PRDM6: variants seen among roughly 807,000 people sequenced by gnomAD.
PRDM6 encodes the protein PR/SET domain 6.
A neutral mutation model predicts 60.8 loss-of-function variants in PRDM6; 25 were observed. The observed-to-expected ratio is 0.41, with a 90% CI of 0.30 to 0.57. The LOEUF is 0.57. Among genes scored for constraint, PRDM6 ranks in the 20% least tolerant of loss-of-function variants. The probability of loss-of-function intolerance (pLI) is 0.27; values close to 1 mark genes in which losing one functional copy is unlikely to be tolerated. For missense variants in PRDM6, 839 were observed against 821.3 expected (o/e 1.02, Z -0.26); for synonymous variants, 407 against 357.4 (o/e 1.14, Z -1.57).
At chr5:123,128,788 A>AT (rs1432350868) in intron 3 of PRDM6, among the ~76,000 whole-genome samples, 2 of 152,052 alleles carry the variant, frequency 1.3e-5, no homozygotes, top group African/African-American at 4.8e-5. Flanking sequence ...CCATTTGTCT[A>AT]TTTTGGCTTT....
chr5:123,146,410 C>T (rs1396787791), intron 3 of PRDM6, among the ~76,000 whole-genome samples: 1 of 152,054 alleles, frequency 6.6e-6, no homozygotes, highest in African/African-American at 2.4e-5. Flanking sequence ...ATTTGGTGTA[C>T]GATTGTATGT....
chr5:123,099,797 C>T lies in PRDM6; in HGVS notation c.736C>T (p.Arg246Cys), dbSNP rs778630052. The T allele has an allele frequency of 6.5e-7, 1 of 1,549,108 alleles. No homozygotes were observed. Among genetic ancestry groups the T allele is most frequent in the South Asian group, 1.2e-5 (1 of 83,926 alleles). Residue 246 changes from arginine to cysteine, a missense_variant, in exon 3 of 8, where the codon CGC becomes TGC. By Grantham distance (180) the Arg-to-Cys change is radical (BLOSUM62 -3). Around this residue, in one of 2 missense-constraint regions of PRDM6, gnomAD observed 730 missense variants for 648.8 expected, o/e 1.13. Coordinates refer to ENST00000407847, the MANE Select transcript of PRDM6 (RefSeq NM_001136239.4). This position sits in a 1 kb window ranked among gnomAD's most constrained non-coding sequence, Gnocchi z 4.0. The stretch of plus-strand genomic sequence containing the variant: ...GCCGGAGTGGCTGCGGGACCTGCCT[C>T]GCGAGGTGTGCCTCTGCACCAGTAC... ...ELPEWLRDLP[R>C]EVCLCTSTVP...
At position 123,171,096 on chromosome 5, in the gene PRDM6, A is replaced by G. The variant is rs1390025414; in HGVS notation, c.1484A>G (p.Gln495Arg). The change falls in exon 6 of 8, where the codon CAG becomes CGG. Residue 495 changes from glutamine (Q) to arginine (R), a missense_variant. Coordinates refer to ENST00000407847, the MANE Select transcript of PRDM6 (RefSeq NM_001136239.4). ...CTCTTACAGATGCACGTGTGCACGC[A>G]GAACCCCGACAGGTAACCCTGACTC... ...RILLQMHVCT[Q>R]NPDRPYQCGH... 6.5e-7 allele frequency: 1 copy of G among 1,540,050 alleles called. No individual in the cohort carries two copies.
Position 123,090,315 on chromosome 5 carries a change from G to C in PRDM6, c.301G>C (p.Ala101Pro), listed in dbSNP as rs934230847. The change falls in exon 2 of 8, where the codon GCT (alanine) becomes CCT (proline). Residue 101 changes from alanine to proline, a missense_variant. Ala to Pro is a conservative substitution (Grantham distance 27). Around this residue, in one of 2 missense-constraint regions of PRDM6, gnomAD observed 730 missense variants for 648.8 expected, o/e 1.13. Coordinates refer to ENST00000407847, the MANE Select transcript of PRDM6 (RefSeq NM_001136239.4). Reference protein sequence around the residue: ...SSASSCAAAAAAAALAGLSAL... With the variant: ...SSASSCAAAAPAAALAGLSAL... ...CGCCTCCTCCTGCGCTGCTGCGGCC[G>C]CTGCCGCCGCGCTGGCTGGTCTCTC... 1.3e-5 allele frequency: 19 copies of C among 1,474,728 alleles called. No homozygotes were observed. The highest frequency in any genetic ancestry group is 1.6e-5 in the Non-Finnish European group (18 of 1,113,422). 91.4% of individuals were successfully genotyped at this position (1,474,728 alleles called of 1,614,324 possible).
At chr5:123,127,058 G>C (rs1764709027) in intron 3 of PRDM6, among the ~76,000 whole-genome samples, 1 of 149,248 alleles carries the variant, frequency 6.7e-6, no homozygotes, top group South Asian at 2.1e-4. Context: ...TTTTTTTTGA[G>C]ATGGAGTCTT....
At chr5:123,186,574 C>T (rs1766293700) in intron 7 of PRDM6, among the ~76,000 whole-genome samples, 1 of 152,188 alleles carries the variant, frequency 6.6e-6, no homozygotes, top group South Asian at 2.1e-4. Context: ...GCAGCGACCA[C>T]GCCTACTGCC....
chr5:123,191,908 C>T lies in PRDM6; in HGVS notation c.*4707C>T, dbSNP rs1209132848. The stretch of plus-strand genomic sequence containing the variant: ...TTGCCACAGATGTTTAACCTGTAGT[C>T]CATGGCTGTGTTTGACATTTAAAAT... On this transcript the variant is annotated 3_prime_UTR_variant, in exon 8 of 8. Transcript: ENST00000407847. The T allele has an allele frequency of 6.6e-6, 1 of 152,150 alleles. No individual in the cohort carries two copies. Among genetic ancestry groups the T allele is most frequent in the Non-Finnish European group, 1.5e-5 (1 of 68,024 alleles). The allele number at this position is 152,150 out of a possible 1,614,324, so 9.4% of individuals were successfully genotyped here.
intron 5 of PRDM6, among the ~76,000 whole-genome samples, chr5:123,165,597 C>G (rs1765735057): frequency 6.6e-6 from 1 of 152,080 alleles, no homozygotes; most frequent in African/African-American, 2.4e-5. Context: ...TAGCTCTGTC[C>G]CATAGATCAA....
intron 3 of PRDM6, among the ~76,000 whole-genome samples, chr5:123,112,644 C>T (rs567451976): frequency 9.5e-4 from 145 of 152,296 alleles, no homozygotes; most frequent in Admixed American, 1.9e-3. Context: ...ATCTGAAAGT[C>T]CTGACATTGT....
At chr5:123,166,731 C>T (rs1213988693) in intron 5 of PRDM6, among the ~76,000 whole-genome samples, 1 of 152,156 alleles carries the variant, frequency 6.6e-6, no homozygotes, top group Non-Finnish European at 1.5e-5. Context: ...AATGAATGAA[C>T]GAGGAAGGGG....
At chr5:123,176,331 T>C (rs1337677420) in intron 6 of PRDM6, among the ~76,000 whole-genome samples, 1 of 138,524 alleles carries the variant, frequency 7.2e-6, no homozygotes, top group Non-Finnish European at 1.6e-5. Flanking sequence ...ACTGTCCTTT[T>C]GTGAGGCATA....
intron 5 of PRDM6, among the ~76,000 whole-genome samples, chr5:123,160,758 C>G (rs931262190): frequency 6.6e-6 from 1 of 152,178 alleles, no homozygotes; most frequent in African/African-American, 2.4e-5. Context: ...AAACCAATCT[C>G]AAATCAAAAA....
intron 3 of PRDM6, among the ~76,000 whole-genome samples, chr5:123,117,613 C>T (rs1764485729): frequency 6.6e-6 from 1 of 152,220 alleles, no homozygotes; most frequent in African/African-American, 2.4e-5. Context: ...CATCACCTTT[C>T]CTGTTTGGTT....
intron 2 of PRDM6, among the ~76,000 whole-genome samples, chr5:123,098,161 G>C (rs1203892701): frequency 6.6e-6 from 1 of 152,256 alleles, no homozygotes; most frequent in Non-Finnish European, 1.5e-5. Flanking sequence ...GGCACATCCA[G>C]GGTGATCCAA....
chr5:123,099,308 GGGA>G lies in PRDM6; in HGVS notation c.593-344_593-342del, dbSNP rs1764036361. ...AGAGAGAGAGAGAGACAGAGACAGA[GGGA>G]GAGATGCAGAGAGACTGAAACGGGA... On this transcript the variant is annotated intron_variant, in intron 2 of 7. Coordinates refer to ENST00000407847, the MANE Select transcript of PRDM6 (RefSeq NM_001136239.4). This position sits in a 1 kb window ranked among gnomAD's most constrained non-coding sequence, Gnocchi z 4.0. 6.6e-6 allele frequency among the ~76,000 whole-genome samples: 1 copy of G among 152,184 alleles called. No individual in the cohort carries two copies. The highest frequency in any genetic ancestry group is 1.5e-5 in the Non-Finnish European group (1 of 68,026).
chr5:123,125,553 T>C lies in PRDM6; in HGVS notation c.900+25592T>C, dbSNP rs78028991. ...CCAGAAATTCAAAGTCTGCTCAACA[T>C]GGCCCATCCTCCAATCTTACTCCTC... On this transcript the variant is annotated intron_variant, in intron 3 of 7. Coordinates refer to ENST00000407847, the MANE Select transcript of PRDM6 (RefSeq NM_001136239.4). 2.4e-3 allele frequency among the ~76,000 whole-genome samples: 364 copies of C among 152,324 alleles called. 1 individual carries two copies. Among genetic ancestry groups the C allele is most frequent in the African/African-American group, 8.6e-3 (357 of 41,568 alleles).
chr5:123,167,080 CTGA>C (rs933602149), intron 5 of PRDM6, among the ~76,000 whole-genome samples: 3 of 152,164 alleles, frequency 2.0e-5, no homozygotes, highest in African/African-American at 7.2e-5. Flanking sequence ...GTCAGTGAGG[CTGA>C]TATTTAGGAA....
chr5:123,104,761 T>C (rs1403821674), intron 3 of PRDM6, among the ~76,000 whole-genome samples: 1 of 152,236 alleles, frequency 6.6e-6, no homozygotes, highest in Non-Finnish European at 1.5e-5. Context: ...ATGTCTTTTA[T>C]AGTGGTGCCT....
intron 3 of PRDM6, among the ~76,000 whole-genome samples, chr5:123,130,168 TCCC>T (rs1255674715): frequency 9.8e-5 from 3 of 30,512 alleles, no homozygotes; most frequent in African/African-American, 3.4e-4. Context: ...TCCCCTCCCC[TCCC>T]CTCCCCTTCC....
Sources: gnomAD v4.1 joint callset for allele counts (sites outside exome capture counted in the v4.1 genomes callset) on GRCh38, gnomAD v4.1.1 for gene constraint, gnomAD v4.1.1 regional missense constraint, Gnocchi (gnomAD v3.1) non-coding constraint, MANE v1.5 for transcripts, NCBI Gene and HGNC (gene_info 2026-07-23, HGNC 2026-07-21) for gene names.